DGKI: variants seen among roughly 807,000 people sequenced by gnomAD.
The protein encoded by DGKI is DAG kinase iota.
Under a neutral mutation model 147.5 loss-of-function variants are expected in DGKI, and 55 were observed. The ratio of observed to expected loss-of-function variants is 0.37; its 90% CI spans 0.30 to 0.47. The LOEUF (loss-of-function observed/expected upper bound fraction) is 0.47. Ranked by LOEUF, DGKI falls within the 20% of genes least tolerant of loss-of-function variation. DGKI has a pLI of 1.00. For missense variants in DGKI, 1,007 were observed against 1,323.8 expected (o/e 0.76, Z 3.71); for synonymous variants, 469 against 477.1 (o/e 0.98, Z 0.22).
chr7:137,744,632 C>G (rs1585435104), intron 1 of DGKI, among the ~76,000 whole-genome samples: 1 of 151,786 alleles, frequency 6.6e-6, no homozygotes, highest in African/African-American at 2.4e-5. Flanking sequence ...AACATAGAAG[C>G]AAATATCCTC....
chr7:137,447,535 G>C (rs1168378217), intron 27 of DGKI, among the ~76,000 whole-genome samples: 1 of 152,170 alleles, frequency 6.6e-6, no homozygotes, highest in African/African-American at 2.4e-5. Context: ...AGTTAGGAAG[G>C]AGAAGAACTC....
intron 32 of DGKI, among the ~76,000 whole-genome samples, chr7:137,393,772 CA>C (rs746398432): frequency 2.6e-5 from 4 of 152,112 alleles, no homozygotes; most frequent in Non-Finnish European, 5.9e-5. Context: ...CCAGGGACTT[CA>C]GAGAGCAAGG....
chr7:137,710,585 A>T (rs1360175662), intron 1 of DGKI, among the ~76,000 whole-genome samples: 1 of 152,150 alleles, frequency 6.6e-6, no homozygotes, highest in Admixed American at 6.5e-5. Flanking sequence ...AAATTAAATA[A>T]AATTGTATTT....
At chr7:137,680,281 G>C (rs1392178094) in intron 2 of DGKI, among the ~76,000 whole-genome samples, 3 of 152,216 alleles carry the variant, frequency 2.0e-5, no homozygotes, top group Non-Finnish European at 4.4e-5. Context: ...CACCAGAACT[G>C]TGGGAAATGA....
chr7:137,576,537 T>C (rs1323243347), intron 17 of DGKI, among the ~76,000 whole-genome samples: 1 of 152,172 alleles, frequency 6.6e-6, no homozygotes, highest in Non-Finnish European at 1.5e-5. Flanking sequence ...AACATTAATG[T>C]TTTTCTTAAT....
chr7:137,414,742 A>T (rs1279177689), intron 28 of DGKI, among the ~76,000 whole-genome samples: 1 of 152,158 alleles, frequency 6.6e-6, no homozygotes, highest in Non-Finnish European at 1.5e-5. Flanking sequence ...AGGCCTACAG[A>T]CAGTGAAAAA....
At chr7:137,700,017 A>G (rs535207150) in intron 1 of DGKI, among the ~76,000 whole-genome samples, 2 of 152,332 alleles carry the variant, frequency 1.3e-5, no homozygotes, top group Middle Eastern at 6.8e-3. Flanking sequence ...CTAAGCTGTA[A>G]TTCAGAGTGC....
chr7:137,517,295 G>GAA lies in DGKI; in HGVS notation c.2248+4569_2248+4570dup, dbSNP rs1482445975. Among the ~76,000 whole-genome samples the GAA allele has an allele frequency of 3.5e-4, 33 of 94,066 alleles. 2 individuals carry two copies. The highest frequency in any genetic ancestry group is 1.5e-3 in the African/African-American group (32 of 22,068). 61.7% of individuals were successfully genotyped at this position (94,066 alleles called of 152,430 possible). On this transcript the variant is annotated intron_variant, in intron 21 of 32. Coordinates refer to ENST00000614521, the MANE Select transcript of DGKI (RefSeq NM_001321708.2). The stretch of plus-strand genomic sequence containing the variant: ...AAGAAAAGAAAAAGAAAGAAAGAAA[G>GAA]AAAGAAAGAAAGAAAGAAAGAAAGA...
At chr7:137,586,331 G>A (rs1007950231) in intron 13 of DGKI, among the ~76,000 whole-genome samples, 1 of 152,060 alleles carries the variant, frequency 6.6e-6, no homozygotes, top group Admixed American at 6.6e-5. Context: ...AGAAGGTTGA[G>A]GCAGGAGAAT....
chr7:137,646,646 T>C (rs1821836704), intron 5 of DGKI, among the ~76,000 whole-genome samples: 1 of 152,218 alleles, frequency 6.6e-6, no homozygotes, highest in Non-Finnish European at 1.5e-5. Flanking sequence ...TTTTGCCCTT[T>C]TCTGGGAAAA....
At chr7:137,434,753 T>C (rs1448553307) in intron 28 of DGKI, among the ~76,000 whole-genome samples, 1 of 152,038 alleles carries the variant, frequency 6.6e-6, no homozygotes, top group Non-Finnish European at 1.5e-5. Context: ...TAAAGGTAAA[T>C]GACAGATAAT....
At chr7:137,792,376 T>G (rs181758736) in intron 1 of DGKI, among the ~76,000 whole-genome samples, 1 of 152,292 alleles carries the variant, frequency 6.6e-6, no homozygotes, top group Admixed American at 6.5e-5. Flanking sequence ...ATTCCTACAT[T>G]GAGAGATATT....
intron 32 of DGKI, among the ~76,000 whole-genome samples, chr7:137,391,894 T>C (rs1256287129): frequency 1.3e-5 from 2 of 152,190 alleles, no homozygotes; most frequent in East Asian, 3.8e-4. Context: ...AAAACTAAGC[T>C]AGTTTCTCAA....
At chr7:137,833,796 C>A (rs1039376172) in intron 1 of DGKI, among the ~76,000 whole-genome samples, 5 of 152,184 alleles carry the variant, frequency 3.3e-5, no homozygotes, top group Non-Finnish European at 5.9e-5. Flanking sequence ...CTTCCAAAGG[C>A]CTCATTGGTT....
chr7:137,430,622 T>C (rs184621407), intron 28 of DGKI, among the ~76,000 whole-genome samples: 1 of 152,144 alleles, frequency 6.6e-6, no homozygotes, highest in East Asian at 1.9e-4. Flanking sequence ...TGTATATACT[T>C]ATACATCCAA....
chr7:137,628,994 A>G (rs1468068581), intron 6 of DGKI, among the ~76,000 whole-genome samples: 1 of 152,156 alleles, frequency 6.6e-6, no homozygotes, highest in East Asian at 1.9e-4. Flanking sequence ...CTGATTCCCT[A>G]TTTGATCTGA....
rs146342112 is a variant in DGKI, at chr7:137,447,887, A to G, written c.2736-3785T>C. On this transcript the variant is annotated intron_variant, in intron 27 of 32. Transcript: ENST00000614521. ...ATGACTGAAAAACTTCCATGTTAGTAACACAGAAAAAAAATTCCTCTGCCC... is the reference window on the plus strand; with the variant it reads ...ATGACTGAAAAACTTCCATGTTAGTGACACAGAAAAAAAATTCCTCTGCCC... Among the ~76,000 whole-genome samples the G allele has an allele frequency of 7.0e-3, 1,071 of 152,332 alleles. 9 individuals are homozygous for G. Among genetic ancestry groups the G allele is most frequent in the Middle Eastern group, 0.068 (20 of 294 alleles).
intron 20 of DGKI, among the ~76,000 whole-genome samples, chr7:137,542,158 T>C (rs1313931698): frequency 1.3e-5 from 2 of 152,196 alleles, no homozygotes; most frequent in Non-Finnish European, 2.9e-5. Context: ...TGATCATATA[T>C]TGCTGGTAGA....
chr7:137,570,493 T>C (rs1004960285), intron 19 of DGKI, among the ~76,000 whole-genome samples: 1 of 152,202 alleles, frequency 6.6e-6, no homozygotes, highest in African/African-American at 2.4e-5. Context: ...CACAAGTTGC[T>C]ACTGTCTCTT....
Sources: allele counts gnomAD v4.1 joint callset (sites outside exome capture counted in the v4.1 genomes callset), GRCh38; gene constraint gnomAD v4.1.1; transcripts MANE v1.5; gene names NCBI Gene and HGNC (gene_info 2026-07-23, HGNC 2026-07-21).